The following PCDHGB1 variants were observed in gnomAD, a reference collection of about 807,000 sequenced individuals.
PCDHGB1 encodes protocadherin gamma subfamily B, 1, also known as protocadherin gamma-B1.
A neutral mutation model predicts 56.6 loss-of-function variants in PCDHGB1; 34 were observed. The ratio of observed to expected loss-of-function variants is 0.60; its 90% CI spans 0.46 to 0.80. The LOEUF (loss-of-function observed/expected upper bound fraction) is 0.80, where lower values mean the gene tolerates loss of function less well. Among genes scored for constraint, PCDHGB1 ranks in the 30% least tolerant of loss-of-function variants. The pLI, the probability that PCDHGB1 is intolerant of heterozygous loss-of-function variation, is 0.00. For synonymous variants in PCDHGB1, 561 were observed against 505.9 expected (o/e 1.11, Z -1.46); for missense variants, 1,278 against 1,204.6 (o/e 1.06, Z -0.90).
chr5:141,418,389 A>G (rs768078575), intron 1 of PCDHGB1: 1 of 1,613,996 alleles, frequency 6.2e-7, no homozygotes, highest in South Asian at 1.1e-5. Context: ...CCTAACGAGT[A>G]TTTCTCATTG....
Position 141,371,905 on chromosome 5 carries a change from A to C in PCDHGB1, c.2409+19236A>C, listed in dbSNP as rs768388601. 6 of 1,613,358 alleles carry C rather than the reference A, an allele frequency of 3.7e-6. No homozygotes were observed. In the South Asian group the frequency reaches 6.6e-5, roughly 18 times the overall value. On this transcript the variant is annotated intron_variant, in intron 1 of 3. Coordinates refer to ENST00000523390, the MANE Select transcript of PCDHGB1 (RefSeq NM_018922.3). ...CTGGAGCCGCGGGAGCTGTCGTCCTACGTGTCCGTGAGCGCGCGGAGCGGG... is the reference window on the plus strand; with the variant it reads ...CTGGAGCCGCGGGAGCTGTCGTCCTCCGTGTCCGTGAGCGCGCGGAGCGGG...
chr5:141,365,735 G>T (rs1764082475), intron 1 of PCDHGB1: 6 of 1,613,626 alleles, frequency 3.7e-6, no homozygotes, highest in Non-Finnish European at 5.1e-6. Flanking sequence ...TCCCAGAGGT[G>T]TCTCTATCTT....
At chr5:141,398,844 C>A in intron 1 of PCDHGB1, 1 of 1,613,966 alleles carries the variant, frequency 6.2e-7, no homozygotes, top group Non-Finnish European at 8.5e-7. Context: ...ATGATAATCC[C>A]CCGGTATTCA....
At position 141,372,141 on chromosome 5, in the gene PCDHGB1, G is replaced by C. The variant is rs780330964; in HGVS notation, c.2409+19472G>C. On this transcript the variant is annotated intron_variant, in intron 1 of 3. Coordinates refer to ENST00000523390, the MANE Select transcript of PCDHGB1 (RefSeq NM_018922.3). ...CTTCGATATGGTGCCGCGCTCTGCAGAGCCTGGCTACCTGGTGACCAAGGT... is the reference window on the plus strand; with the variant it reads ...CTTCGATATGGTGCCGCGCTCTGCACAGCCTGGCTACCTGGTGACCAAGGT... 5.0e-6 allele frequency: 8 copies of C among 1,613,774 alleles called. No individual in the cohort carries two copies. The East Asian group carries it at 1.6e-4, about 31-fold the overall frequency.
chr5:141,500,444 C>T (rs1032064705), intron 2 of PCDHGB1, among the ~76,000 whole-genome samples: 3 of 151,370 alleles, frequency 2.0e-5, no homozygotes, highest in African/African-American at 4.9e-5. Context: ...CTCCTGACCT[C>T]GTGATCCGCC....
rs145463208 is a variant in PCDHGB1 at position 141,370,418 on chromosome 5, G to A, written c.2409+17749G>A. ...GGATGGGAAATAGCTCCGGATGGAG[G>A]GGCCCAGCAGGGCAGAGGCGAATGC... is the stretch of plus-strand genomic sequence containing the variant. On this transcript the variant is annotated intron_variant, in intron 1 of 3. Coordinates refer to ENST00000523390, the MANE Select transcript of PCDHGB1 (RefSeq NM_018922.3). 1.7e-5 allele frequency: 26 copies of A among 1,570,524 alleles called. 1 individual carries two copies. The Middle Eastern group carries it at 5.2e-4, about 31-fold the overall frequency.
Position 141,487,463 on chromosome 5 carries a change from G to T in PCDHGB1, c.2410-7344G>T, listed in dbSNP as rs754798527. 1 of 1,614,136 alleles carries T rather than the reference G, an allele frequency of 6.2e-7. No homozygotes were observed. The highest frequency in any genetic ancestry group is 1.7e-5 in the Admixed American group (1 of 60,016). ...GTCAGATGACCCTATCAAGTTTGTT[G>T]ATGTGGGAGGCCACTCTCATGGCTG... On this transcript the variant is annotated intron_variant, in intron 1 of 3. Coordinates refer to ENST00000523390, the MANE Select transcript of PCDHGB1 (RefSeq NM_018922.3). The surrounding 1 kb of genome is among the most constrained non-coding windows in gnomAD (Gnocchi z 5.0).
intron 1 of PCDHGB1, among the ~76,000 whole-genome samples, chr5:141,472,437 G>A (rs1332528325): frequency 6.6e-6 from 1 of 152,116 alleles, no homozygotes; most frequent in Non-Finnish European, 1.5e-5. Flanking sequence ...CTACTAGGGA[G>A]GCTGAGGCAG....
At chr5:141,402,788 C>A in intron 1 of PCDHGB1, 1 of 937,148 alleles carries the variant, frequency 1.1e-6, no homozygotes, top group Non-Finnish European at 1.5e-6. Flanking sequence ...AGTTCTGCGG[C>A]TACACAAAAC....
In PCDHGB1 at chr5:141,453,631, T is replaced by C. The variant is rs114710858; in HGVS notation, c.2410-41176T>C. On this transcript the variant is annotated intron_variant, in intron 1 of 3. Transcript: ENST00000523390. ...AACGCAAAAACAAAACCTATACATATTTATATTTTCTTATGTCCTCTTCTT... is the reference window on the plus strand; with the variant it reads ...AACGCAAAAACAAAACCTATACATACTTATATTTTCTTATGTCCTCTTCTT... Among the ~76,000 whole-genome samples the C allele has an allele frequency of 8.2e-3, 1,249 of 152,332 alleles. 7 individuals are homozygous for C. Among genetic ancestry groups the C allele is most frequent in the Non-Finnish European group, 0.013 (893 of 68,030 alleles).
chr5:141,404,119 T>G, intron 1 of PCDHGB1: 1 of 1,613,504 alleles, frequency 6.2e-7, no homozygotes, highest in Non-Finnish European at 8.5e-7. Flanking sequence ...TCCAGGAGAA[T>G]CTATCTTTTA....
In PCDHGB1 at chr5:141,382,919, G is replaced by A. The variant is rs1467219150; in HGVS notation, c.2409+30250G>A. 14 of 1,559,330 alleles carry A rather than the reference G, an allele frequency of 9.0e-6. No homozygotes were observed. Among genetic ancestry groups the A allele is most frequent in the Non-Finnish European group, 1.1e-5 (13 of 1,152,236 alleles). ...ACGACTATGGCGGCTCAGCCGAGGG[G>A]CGGGGACTACAGAGGATTCTTCCTG... On this transcript the variant is annotated intron_variant, in intron 1 of 3. Coordinates refer to ENST00000523390, the MANE Select transcript of PCDHGB1 (RefSeq NM_018922.3).
chr5:141,441,838 C>T, intron 1 of PCDHGB1: 4 of 355,582 alleles, frequency 1.1e-5, no homozygotes, highest in South Asian at 9.6e-5. Flanking sequence ...TGGCTTCGCG[C>T]TCTTGGATAT....
At chr5:141,483,122 A>G (rs1159736878) in intron 1 of PCDHGB1, among the ~76,000 whole-genome samples, 1 of 152,166 alleles carries the variant, frequency 6.6e-6, no homozygotes, top group Non-Finnish European at 1.5e-5. Context: ...CAGTCTTTGT[A>G]GGAGATGAGG....
intron 1 of PCDHGB1, chr5:141,389,721 G>A (rs1477842058): frequency 2.5e-6 from 4 of 1,612,502 alleles, no homozygotes; most frequent in Non-Finnish European, 1.7e-6. Context: ...TAGCGAGCCC[G>A]GGCTCTTCAG....
intron 1 of PCDHGB1, chr5:141,398,829 C>T (rs1020690994): frequency 3.1e-6 from 5 of 1,613,876 alleles, no homozygotes; most frequent in African/African-American, 2.7e-5. Context: ...AGGTAACCGA[C>T]GCCAATGATA....
In PCDHGB1 at chr5:141,350,707, C is replaced by A. The variant is rs1181723037; in HGVS notation, c.447C>A (p.Phe149Leu). 1.2e-6 allele frequency: 2 copies of A among 1,613,992 alleles called. No homozygotes were observed. Among genetic ancestry groups the A allele is most frequent in the East Asian group, 2.2e-5 (1 of 44,892 alleles). The change falls in exon 1 of 4, where the codon TTC becomes TTA. Residue 149 changes from phenylalanine to leucine, a missense_variant. Physicochemically the swap from Phe to Leu is conservative, Grantham distance 22. Transcript: ENST00000523390. ...ICESALPGVK[F>L]SLDSAQDADV... ...AGTCAGCCTTACCCGGGGTAAAATT[C>A]TCTCTGGATTCTGCTCAAGATGCAG...
intron 1 of PCDHGB1, chr5:141,377,186 T>G (rs1773756873): frequency 6.6e-6 from 1 of 152,252 alleles, no homozygotes; most frequent in Non-Finnish European, 1.5e-5. Context: ...TGGCAAACTA[T>G]TTGTGTCTTG....
chr5:141,472,324 G>A (rs1027842697), intron 1 of PCDHGB1, among the ~76,000 whole-genome samples: 2 of 150,650 alleles, frequency 1.3e-5, no homozygotes, highest in African/African-American at 2.4e-5. Flanking sequence ...GGCAGATCAC[G>A]AGGTTGGGAG....
Sources: gnomAD v4.1 joint callset for allele counts (sites outside exome capture counted in the v4.1 genomes callset) on GRCh38, gnomAD v4.1.1 for gene constraint, Gnocchi (gnomAD v3.1) non-coding constraint, MANE v1.5 for transcripts, NCBI Gene and HGNC (gene_info 2026-07-23, HGNC 2026-07-21) for gene names.